PABPC4L: variants seen among roughly 807,000 people sequenced by gnomAD.
The protein encoded by PABPC4L is polyadenylate-binding protein 4-like.
For synonymous variants in PABPC4L, 169 were observed against 164.1 expected, an observed-to-expected ratio of 1.03 and a Z score of -0.23; for missense variants, 452 against 451.4, an observed-to-expected ratio of 1.00 and a Z score of -0.01.
the PABPC4L span, among the ~76,000 whole-genome samples, chr4:133,965,252 T>C: frequency 6.6e-5 from 10 of 152,152 alleles, no homozygotes; most frequent in Middle Eastern, 3.4e-3. Flanking sequence ...TTTAGGAATA[T>C]ACCTAACCAA....
At chr4:134,190,259 C>T in the PABPC4L span, among the ~76,000 whole-genome samples, 2 of 152,110 alleles carry the variant, frequency 1.3e-5, no homozygotes, top group Non-Finnish European at 2.9e-5. Flanking sequence ...CTGACACATA[C>T]TTCTCTGACA....
chr4:134,056,488 T>C, the PABPC4L span, among the ~76,000 whole-genome samples: 3 of 152,000 alleles, frequency 2.0e-5, no homozygotes, highest in Non-Finnish European at 4.4e-5. Context: ...TCTTTGCATC[T>C]ATTTACATTT....
chr4:134,083,791 T>C, the PABPC4L span, among the ~76,000 whole-genome samples: 1 of 152,162 alleles, frequency 6.6e-6, no homozygotes, highest in Non-Finnish European at 1.5e-5. Context: ...ATACATACAT[T>C]CTAGACCACT....
chr4:134,133,941 T>C, the PABPC4L span, among the ~76,000 whole-genome samples: 1 of 152,048 alleles, frequency 6.6e-6, no homozygotes. Context: ...TTTTTAAAAA[T>C]AGTGTTTGCT....
chr4:134,007,059 T>A, the PABPC4L span, among the ~76,000 whole-genome samples: 1 of 151,856 alleles, frequency 6.6e-6, no homozygotes, highest in African/African-American at 2.4e-5. Context: ...GGATAATGTT[T>A]TGGAATAGAT....
chr4:133,966,871 A>T, the PABPC4L span, among the ~76,000 whole-genome samples: 5 of 152,196 alleles, frequency 3.3e-5, no homozygotes, highest in African/African-American at 1.2e-4. Context: ...AAATGGTTTC[A>T]AAAACATATT....
chr4:134,058,695 C>T, the PABPC4L span, among the ~76,000 whole-genome samples: 1 of 151,986 alleles, frequency 6.6e-6, no homozygotes, highest in Non-Finnish European at 1.5e-5. Flanking sequence ...ATATCAATAT[C>T]AGAAAATACC....
At chr4:134,008,883 A>G in the PABPC4L span, among the ~76,000 whole-genome samples, 3 of 151,848 alleles carry the variant, frequency 2.0e-5, no homozygotes, top group South Asian at 6.2e-4. Flanking sequence ...AGGTTCAACA[A>G]TAAAAGAGAA....
chr4:134,116,371 A>G, the PABPC4L span, among the ~76,000 whole-genome samples: 1 of 152,000 alleles, frequency 6.6e-6, no homozygotes, highest in East Asian at 1.9e-4. Flanking sequence ...AAGCCCACTG[A>G]CCAACAATGT....
chr4:134,143,985 T>C, the PABPC4L span, among the ~76,000 whole-genome samples: 77 of 151,712 alleles, frequency 5.1e-4, no homozygotes, highest in Non-Finnish European at 8.9e-4. Context: ...GATCTTCTGA[T>C]GACAATTGAT....
the PABPC4L span, among the ~76,000 whole-genome samples, chr4:134,067,014 T>C: frequency 6.6e-6 from 1 of 152,110 alleles, no homozygotes; most frequent in Non-Finnish European, 1.5e-5. Flanking sequence ...TTGTTGTTTC[T>C]GCCAGGTTTT....
At chr4:134,102,332 C>T in the PABPC4L span, among the ~76,000 whole-genome samples, 1 of 151,138 alleles carries the variant, frequency 6.6e-6, no homozygotes. Context: ...CATAAAAGTG[C>T]TATGAAACTA....
chr4:134,200,527 A>G lies in PABPC4L; in HGVS notation c.493T>C (p.Cys165Arg). The change falls in exon 2 of 2, where the codon TGC (cysteine) becomes CGC (arginine). Residue 165 changes from cysteine (C) to arginine (R), a missense_variant. Cys to Arg is a radical substitution (Grantham distance 180). Coordinates refer to ENST00000421491, the MANE Select transcript of PABPC4L (RefSeq NM_001114734.2). ...TTGAATCTGCCAACAAACACCTTGC[A>G]GCCCTTGAGTAGTTTTCCATTCATC... ...EEMNGKLLKG[C>R]KVFVGRFKNR... 6.4e-7 allele frequency: 1 copy of G among 1,551,646 alleles called. No individual in the cohort carries two copies. Among genetic ancestry groups the G allele is most frequent in the African/African-American group, 1.4e-5 (1 of 73,164 alleles).
chr4:133,966,661 C>T, the PABPC4L span, among the ~76,000 whole-genome samples: 1 of 152,104 alleles, frequency 6.6e-6, no homozygotes, highest in Middle Eastern at 3.2e-3. Context: ...TTCACAGTCT[C>T]CTGGATGAGA....
the PABPC4L span, among the ~76,000 whole-genome samples, chr4:134,188,896 A>C: frequency 6.6e-6 from 1 of 151,472 alleles, no homozygotes; most frequent in African/African-American, 2.4e-5. Context: ...CTTTTGTTTC[A>C]TTCTCTCTTT....
At chr4:133,992,238 C>T in the PABPC4L span, among the ~76,000 whole-genome samples, 3 of 152,142 alleles carry the variant, frequency 2.0e-5, no homozygotes, top group Non-Finnish European at 2.9e-5. Context: ...TTATAATTGC[C>T]TAACTGGAGG....
At chr4:133,956,377 G>C in the PABPC4L span, among the ~76,000 whole-genome samples, 1 of 152,102 alleles carries the variant, frequency 6.6e-6, no homozygotes, top group Non-Finnish European at 1.5e-5. Flanking sequence ...ATAGCAAAAG[G>C]AGAGGATAGC....
At chr4:134,186,070 A>G in the PABPC4L span, among the ~76,000 whole-genome samples, 1 of 152,214 alleles carries the variant, frequency 6.6e-6, no homozygotes, top group Non-Finnish European at 1.5e-5. Flanking sequence ...TTCCATGCTC[A>G]TGGATAAAAA....
the PABPC4L span, among the ~76,000 whole-genome samples, chr4:134,123,899 AG>A: frequency 6.6e-6 from 1 of 152,032 alleles, no homozygotes; most frequent in Admixed American, 6.6e-5. Flanking sequence ...TTGAAAAAAA[AG>A]TTGGGTATAC....
Sources: gnomAD v4.1 joint callset for allele counts (sites outside exome capture counted in the v4.1 genomes callset) on GRCh38, gnomAD v4.1.1 for gene constraint, MANE v1.5 for transcripts, NCBI Gene and HGNC (gene_info 2026-07-23, HGNC 2026-07-21) for gene names.